The following MYH10 variants were observed in gnomAD, a reference collection of about 807,000 sequenced individuals.
The protein encoded by MYH10 is myosin heavy chain 10.
A neutral mutation model predicts 257.8 loss-of-function variants in MYH10; 55 were observed. That is an observed-to-expected ratio of 0.21 (90% CI 0.17 to 0.27). The LOEUF is 0.27. MYH10 is among the 10% of genes least tolerant of loss of function. The probability of loss-of-function intolerance (pLI) is 1.00; values close to 1 mark genes in which losing one functional copy is unlikely to be tolerated. For synonymous variants in MYH10, 854 were observed against 921.7 expected, an observed-to-expected ratio of 0.93 and a Z score of 1.33; for missense variants, 1,631 against 2,500.6, an observed-to-expected ratio of 0.65 and a Z score of 7.42.
intron 13 of MYH10, among the ~76,000 whole-genome samples, chr17:8,544,947 C>A (rs1263158360): frequency 1.3e-5 from 2 of 152,196 alleles, no homozygotes. Context: ...CCCAGCCAAG[C>A]CCCCGTCATC....
chr17:8,545,363 T>C lies in MYH10; in HGVS notation c.1431+85A>G, dbSNP rs2082411672. Reference sequence around the variant, plus strand: ...GGGACTGTATCCCTGGTGCCTCGTATGTACTGGGCACACAGTAAGCCTTCA... The same window carrying C: ...GGGACTGTATCCCTGGTGCCTCGTACGTACTGGGCACACAGTAAGCCTTCA... On this transcript the variant is annotated intron_variant, in intron 13 of 42. Transcript: ENST00000360416. This position sits in a 1 kb window ranked among gnomAD's most constrained non-coding sequence, Gnocchi z 4.7. 1 of 1,448,604 alleles carries C rather than the reference T, an allele frequency of 6.9e-7. No individual in the cohort carries two copies. Among genetic ancestry groups the C allele is most frequent in the South Asian group, 1.2e-5 (1 of 81,492 alleles). 89.7% of individuals were successfully genotyped at this position (1,448,604 alleles called of 1,614,324 possible).
chr17:8,580,199 G>A (rs552974852), intron 4 of MYH10, among the ~76,000 whole-genome samples: 2 of 151,884 alleles, frequency 1.3e-5, no homozygotes, highest in African/African-American at 2.4e-5. Context: ...ATATTCAGTC[G>A]TTCTGAAACG....
intron 40 of MYH10, among the ~76,000 whole-genome samples, chr17:8,478,697 C>T (rs1248216603): frequency 6.6e-6 from 1 of 152,172 alleles, no homozygotes. Flanking sequence ...GTGTTAATTA[C>T]TGTACACAGG....
chr17:8,479,580 C>G (rs1210885881), intron 40 of MYH10, among the ~76,000 whole-genome samples: 1 of 152,142 alleles, frequency 6.6e-6, no homozygotes, highest in East Asian at 1.9e-4. Flanking sequence ...GCTCCAAGCT[C>G]CCCAGCAAGA....
chr17:8,567,901 G>A (rs1236402811), intron 7 of MYH10, among the ~76,000 whole-genome samples: 3 of 152,176 alleles, frequency 2.0e-5, no homozygotes, highest in Non-Finnish European at 4.4e-5. Flanking sequence ...ACTATGTTTC[G>A]TTAAAGATTG....
At chr17:8,549,508 G>T (rs535127124) in intron 9 of MYH10, among the ~76,000 whole-genome samples, 2 of 152,304 alleles carry the variant, frequency 1.3e-5, no homozygotes, top group East Asian at 3.9e-4. Context: ...GCTATTTATC[G>T]TTATAACAGA....
chr17:8,565,375 T>G (rs1011211740), intron 7 of MYH10, among the ~76,000 whole-genome samples: 1 of 152,212 alleles, frequency 6.6e-6, no homozygotes, highest in African/African-American at 2.4e-5. Flanking sequence ...GAATTTTAAC[T>G]GAACATTATT....
At chr17:8,518,989 TG>T (rs2081564507) in intron 19 of MYH10, 39 bp from the exon 20 acceptor site, 1 of 1,477,992 alleles carries the variant, frequency 6.8e-7, no homozygotes, top group African/African-American at 1.4e-5. Context: ...TGTAGAAATT[TG>T]TGAACGATGT....
At position 8,518,945 on chromosome 17, in the gene MYH10, T is replaced by C; in HGVS notation, c.2279A>G (p.Glu760Gly). ...AGGAATAGCATTTGGAGTTAGGATC[T>C]CATATCTGTAAGAGAATATTCCAAG... ...IVFQEFRQRY[E>G]ILTPNAIPKG... Residue 760 changes from glutamate to glycine, a missense_variant, in exon 20 of 43, where the codon GAG (glutamate) becomes GGG (glycine). Glu to Gly is a moderately conservative substitution (Grantham distance 98, BLOSUM62 -2). Around this residue, in one of 11 missense-constraint regions of MYH10, gnomAD observed 116 missense variants for 221.6 expected, o/e 0.52. Transcript: ENST00000360416. 2 of 1,599,034 alleles carry C rather than the reference T, an allele frequency of 1.3e-6. No homozygotes were observed. The highest frequency in any genetic ancestry group is 1.7e-6 in the Non-Finnish European group (2 of 1,168,672).
At chr17:8,582,998 A>G (rs754306724) in intron 4 of MYH10, among the ~76,000 whole-genome samples, 1 of 152,210 alleles carries the variant, frequency 6.6e-6, no homozygotes, top group Non-Finnish European at 1.5e-5. Flanking sequence ...ATGCAAACAT[A>G]TAACATTAGT....
At chr17:8,501,017 TA>T in intron 28 of MYH10, 47 bp from the exon 29 acceptor site, 1 of 1,547,174 alleles carries the variant, frequency 6.5e-7, no homozygotes, top group South Asian at 1.2e-5. Context: ...GCTGACTGAT[TA>T]AAAACACATT....
intron 34 of MYH10, among the ~76,000 whole-genome samples, chr17:8,491,782 T>A (rs1915814165): frequency 1.3e-5 from 2 of 152,124 alleles, no homozygotes; most frequent in South Asian, 4.1e-4. Context: ...GCAGCTCTTG[T>A]GGAAGATGTA....
chr17:8,623,490 C>T (rs2085546651), intron 1 of MYH10: 3 of 314,874 alleles, frequency 9.5e-6, no homozygotes, highest in African/African-American at 2.2e-5. Flanking sequence ...TGGGTTTGCC[C>T]TCAGTTACTG....
At chr17:8,601,482 G>A (rs1024928134) in intron 3 of MYH10, among the ~76,000 whole-genome samples, 1 of 152,160 alleles carries the variant, frequency 6.6e-6, no homozygotes, top group Non-Finnish European at 1.5e-5. Context: ...GAACACCTGA[G>A]TGTGTCTTTA....
At chr17:8,493,602 T>C in intron 32 of MYH10, 131 bp downstream of exon 32, 1 of 1,109,846 alleles carries the variant, frequency 9.0e-7, no homozygotes, top group Non-Finnish European at 1.2e-6. Flanking sequence ...AGAAAAACCA[T>C]TTAATGGGCT....
chr17:8,521,505 C>T (rs2081655303), intron 17 of MYH10: 1 of 556,692 alleles, frequency 1.8e-6, no homozygotes, highest in Admixed American at 3.1e-5. Flanking sequence ...CAGCTCCACA[C>T]CAACACACAC....
chr17:8,598,602 T>G (rs904145424), intron 3 of MYH10, among the ~76,000 whole-genome samples: 4 of 152,258 alleles, frequency 2.6e-5, no homozygotes, highest in Non-Finnish European at 4.4e-5. Context: ...AAACTTTAAT[T>G]TGTCTATAAA....
In MYH10 at chr17:8,484,171, C is replaced by T. The variant is rs1465297435; in HGVS notation, c.5142G>A (p.Lys1714=). The T allele has an allele frequency of 6.2e-7, 1 of 1,609,024 alleles. No individual in the cohort carries two copies. ...ATTGAAGGATTTCTGCTTCCAGACT[C>T]TTCAATTTCTTTTCACTCTCTTTGG... ...AQSKESEKKL[K]SLEAEILQLQ... Residue 1714 remains lysine (K), a synonymous_variant, in exon 37 of 43, where the codon AAG becomes AAA. Transcript: ENST00000360416.
chr17:8,554,186 C>A (rs1043336313), intron 7 of MYH10, 168 bp from the exon 8 acceptor site: 1 of 432,634 alleles, frequency 2.3e-6, no homozygotes, highest in Non-Finnish European at 4.2e-6. Flanking sequence ...TGATACATTT[C>A]AAAAAAGTAG....
Sources: gnomAD v4.1 joint callset for allele counts (sites outside exome capture counted in the v4.1 genomes callset) on GRCh38, gnomAD v4.1.1 for gene constraint, gnomAD v4.1.1 regional missense constraint, Gnocchi (gnomAD v3.1) non-coding constraint, MANE v1.5 for transcripts, NCBI Gene and HGNC (gene_info 2026-07-23, HGNC 2026-07-21) for gene names.